The following RBFOX1 variants were observed in gnomAD, a reference collection of about 807,000 sequenced individuals.
RBFOX1 encodes the protein RNA binding fox-1 homolog 1.
RBFOX1 carries 8 observed loss-of-function variants against 57.7 expected under a neutral mutation model. The ratio of observed to expected loss-of-function variants is 0.14; its 90% confidence interval spans 0.08 to 0.25. RBFOX1 has a LOEUF of 0.25. RBFOX1 is among the 10% of genes least tolerant of loss of function. The pLI is 1.00. For synonymous variants in RBFOX1, 326 were observed against 222.4 expected (o/e 1.47, Z -4.15); for missense variants, 611 against 548.5 (o/e 1.11, Z -1.14).
rs112442858 is a variant in RBFOX1 at position 5,852,523 on chromosome 16, C to T, written c.319-14780C>T. 4.6e-5 allele frequency among the ~76,000 whole-genome samples: 7 copies of T among 152,126 alleles called. No homozygotes were observed. In the South Asian group the frequency reaches 6.2e-4, roughly 14 times the overall value. On this transcript the variant is annotated intron_variant, in intron 3 of 19. Coordinates refer to the RBFOX1 transcript ENST00000641259. ...CCAGCCATGGACTGCAGGCTGGCTC[C>T]GGATGGAGGTCAATGCATAACTGTT...
At chr16:5,365,679 A>G (rs1449416884) in intron 1 of RBFOX1, 1 of 331,916 alleles carries the variant, frequency 3.0e-6, no homozygotes, top group Non-Finnish European at 5.8e-6. Context: ...GTAAATAAGT[A>G]AAAAAAATAA....
chr16:7,247,839 G>A (rs1415627190), intron 4 of RBFOX1, among the ~76,000 whole-genome samples: 1 of 152,148 alleles, frequency 6.6e-6, no homozygotes, highest in South Asian at 2.1e-4. Context: ...GCTAAATGAT[G>A]AGGACTCATG....
At chr16:5,850,759 C>T (rs1357964026) in intron 3 of RBFOX1, among the ~76,000 whole-genome samples, 1 of 152,194 alleles carries the variant, frequency 6.6e-6, no homozygotes, top group Non-Finnish European at 1.5e-5. Flanking sequence ...ACAAGGGCGA[C>T]TCCAGAGCCT....
intron 2 of RBFOX1, among the ~76,000 whole-genome samples, chr16:5,535,604 A>G (rs556250396): frequency 1.3e-5 from 2 of 152,134 alleles, no homozygotes; most frequent in Non-Finnish European, 2.9e-5. Context: ...CCACTGGGTC[A>G]TGCTTCTCTT....
chr16:7,058,055 G>C (rs1041338268), intron 4 of RBFOX1, among the ~76,000 whole-genome samples: 1 of 150,344 alleles, frequency 6.7e-6, no homozygotes, highest in East Asian at 2.0e-4. Context: ...TCTCTGCTAT[G>C]CTTTCAAAAT....
At chr16:6,336,958 T>A (rs1272105456) in intron 2 of RBFOX1, among the ~76,000 whole-genome samples, 1 of 152,036 alleles carries the variant, frequency 6.6e-6, no homozygotes, top group Non-Finnish European at 1.5e-5. Flanking sequence ...ACTGTTCGAG[T>A]TTTTCTTTGT....
chr16:6,624,162 T>A (rs1282627887), intron 2 of RBFOX1, among the ~76,000 whole-genome samples: 2 of 152,088 alleles, frequency 1.3e-5, no homozygotes, highest in Admixed American at 6.6e-5. Context: ...AACACAGACT[T>A]GGATATGAGG....
At chr16:6,964,539 C>T (rs1014442998) in intron 3 of RBFOX1, among the ~76,000 whole-genome samples, 1 of 152,080 alleles carries the variant, frequency 6.6e-6, no homozygotes, top group Admixed American at 6.6e-5. Context: ...TGAAGCTATG[C>T]CTGTGTGGGG....
intron 1 of RBFOX1, among the ~76,000 whole-genome samples, chr16:6,028,849 G>C (rs965186122): frequency 7.9e-5 from 12 of 152,190 alleles, no homozygotes; most frequent in African/African-American, 2.7e-4. Context: ...GCTTTGAGAA[G>C]ACTGAATTCC....
At chr16:6,681,237 G>T (rs914868539) in intron 3 of RBFOX1, among the ~76,000 whole-genome samples, 11 of 152,254 alleles carry the variant, frequency 7.2e-5, no homozygotes, top group African/African-American at 2.6e-4. Context: ...ACTTAAGCCT[G>T]GAAGGCAGAG....
chr16:6,905,183 T>C (rs1236479804), intron 3 of RBFOX1, among the ~76,000 whole-genome samples: 4 of 151,928 alleles, frequency 2.6e-5, no homozygotes, highest in Non-Finnish European at 5.9e-5. Context: ...CTTTATCCAT[T>C]TTTTTTCTCA....
intron 4 of RBFOX1, among the ~76,000 whole-genome samples, chr16:7,244,605 C>G (rs559360427): frequency 6.6e-6 from 1 of 152,284 alleles, no homozygotes; most frequent in East Asian, 1.9e-4. Flanking sequence ...ATGGGGTTGG[C>G]CTAGGGCTCG....
intron 4 of RBFOX1, among the ~76,000 whole-genome samples, chr16:5,867,804 C>T (rs1050659057): frequency 2.6e-5 from 4 of 152,042 alleles, no homozygotes; most frequent in Admixed American, 6.6e-5. Context: ...CTCCGCCTCC[C>T]GGGTTCAAGT....
chr16:7,237,721 T>C, intron 4 of RBFOX1, among the ~76,000 whole-genome samples: 1 of 152,222 alleles, frequency 6.6e-6, no homozygotes, highest in East Asian at 1.9e-4. Flanking sequence ...AAGGAGATTC[T>C]GGCCGACTGT....
At position 6,652,506 on chromosome 16, in the gene RBFOX1, G is replaced by C. The variant is rs914075608; in HGVS notation, c.-63-2097G>C. On this transcript the variant is annotated intron_variant, in intron 2 of 15. Coordinates refer to ENST00000550418, the MANE Select transcript of RBFOX1 (RefSeq NM_018723.4). Reference sequence around the variant, plus strand: ...CTTTCTCTCTCTCTCAGAAAGTATAGAGCAGCAGCTATGTGAGGCACCATG... The same window carrying C: ...CTTTCTCTCTCTCTCAGAAAGTATACAGCAGCAGCTATGTGAGGCACCATG... Among the ~76,000 whole-genome samples, 5 of 151,974 alleles carry C rather than the reference G, an allele frequency of 3.3e-5. No homozygotes were observed. The South Asian group carries it at 6.2e-4, about 19-fold the overall frequency.
intron 4 of RBFOX1, among the ~76,000 whole-genome samples, chr16:7,136,778 T>G (rs17669791): frequency 0.11 from 17,473 of 152,114 alleles, 1,169 homozygotes; most frequent in East Asian, 0.23. Context: ...TGGATAGTGG[T>G]TAGTATTAAC....
At chr16:6,925,134 T>G (rs2075317604) in intron 3 of RBFOX1, among the ~76,000 whole-genome samples, 1 of 100,560 alleles carries the variant, frequency 9.9e-6, no homozygotes, top group Non-Finnish European at 2.0e-5. Flanking sequence ...TTTTTTTTTT[T>G]TTTTTTTTTT....
At chr16:6,881,667 T>G (rs10083804) in intron 3 of RBFOX1, among the ~76,000 whole-genome samples, 38,429 of 152,070 alleles carry the variant, frequency 0.25, 5,087 homozygotes, top group African/African-American at 0.32. Context: ...GTCACATTCT[T>G]AGATGTTGGC....
intron 1 of RBFOX1, among the ~76,000 whole-genome samples, chr16:6,128,608 A>C (rs959561121): frequency 2.0e-5 from 3 of 152,168 alleles, no homozygotes; most frequent in Admixed American, 2.0e-4. Flanking sequence ...TGGGATTCTG[A>C]AGTGGAATCG....
Sources: allele counts gnomAD v4.1 joint callset (sites outside exome capture counted in the v4.1 genomes callset), GRCh38; gene constraint gnomAD v4.1.1; transcripts MANE v1.5; gene names NCBI Gene and HGNC (gene_info 2026-07-23, HGNC 2026-07-21).